Variants in LRRC8D observed in about 807,000 individuals in gnomAD.
LRRC8D encodes the protein leucine rich repeat containing 8 VRAC subunit D, also known as volume-regulated anion channel subunit LRRC8D.
A neutral mutation model predicts 55.8 loss-of-function variants in LRRC8D; 20 were observed. The observed-to-expected ratio is 0.36, with a 90% confidence interval of 0.25 to 0.52. The LOEUF is 0.52. Among genes scored for constraint, LRRC8D ranks in the 20% least tolerant of loss-of-function variants. LRRC8D has a pLI of 0.93. For missense variants in LRRC8D, 651 were observed against 1,030.8 expected (o/e 0.63, Z 5.05); for synonymous variants, 352 against 377.0 (o/e 0.93, Z 0.77).
chr1:89,868,681 T>A (rs968690286), intron 2 of LRRC8D, among the ~76,000 whole-genome samples: 5 of 152,210 alleles, frequency 3.3e-5, no homozygotes, highest in African/African-American at 7.2e-5. Context: ...CTCTTATTCC[T>A]GTATTACAGA....
At chr1:89,831,786 G>T (rs1225934833) in intron 1 of LRRC8D, among the ~76,000 whole-genome samples, 1 of 152,148 alleles carries the variant, frequency 6.6e-6, no homozygotes, top group Non-Finnish European at 1.5e-5. Context: ...ATAAAGAAGA[G>T]GGGTCCAGAG....
chr1:89,925,739 G>C (rs1186090020), intron 2 of LRRC8D, among the ~76,000 whole-genome samples: 1 of 152,208 alleles, frequency 6.6e-6, no homozygotes, highest in East Asian at 1.9e-4. Context: ...TTCAGTCGAT[G>C]GTTGAAATAC....
chr1:89,850,839 A>T (rs1353696377), intron 2 of LRRC8D, among the ~76,000 whole-genome samples: 1 of 152,136 alleles, frequency 6.6e-6, no homozygotes, highest in Non-Finnish European at 1.5e-5. Flanking sequence ...GTTATGATTG[A>T]TACATTAATA....
At chr1:89,896,293 G>T (rs758374661) in intron 2 of LRRC8D, among the ~76,000 whole-genome samples, 3 of 152,054 alleles carry the variant, frequency 2.0e-5, no homozygotes, top group Non-Finnish European at 4.4e-5. Context: ...GGAAGGGAGG[G>T]GTCGTAAACT....
chr1:89,822,934 G>A (rs1415481334), intron 1 of LRRC8D, among the ~76,000 whole-genome samples: 2 of 152,188 alleles, frequency 1.3e-5, no homozygotes, highest in Non-Finnish European at 2.9e-5. Flanking sequence ...AATCTGAGAT[G>A]AAAATTAGGT....
intron 2 of LRRC8D, among the ~76,000 whole-genome samples, chr1:89,883,522 T>G (rs551302838): frequency 6.6e-6 from 1 of 152,214 alleles, no homozygotes; most frequent in Admixed American, 6.5e-5. Context: ...GGGGGCCTGG[T>G]CAGCACTGGT....
chr1:89,935,494 G>C lies in LRRC8D; in HGVS notation c.2426G>C (p.Cys809Ser). Reference protein sequence around the residue: ...QLTQLELKGNCLDRLPAQLGQ... With the variant: ...QLTQLELKGNSLDRLPAQLGQ... ...ACTCAGCTGGAGCTGAAGGGGAACT[G>C]CTTGGACCGCCTGCCAGCCCAGCTG... The change falls in exon 3 of 3, where the codon TGC becomes TCC. Residue 809 changes from cysteine (C) to serine (S), a missense_variant. Cys to Ser is a moderately radical substitution (Grantham distance 112, BLOSUM62 -1). Around this residue, in one of 5 missense-constraint regions of LRRC8D, gnomAD observed 338 missense variants for 479.4 expected, o/e 0.71. Transcript: ENST00000337338. 1 of 1,614,258 alleles carries C rather than the reference G, an allele frequency of 6.2e-7. No homozygotes were observed. The highest frequency in any genetic ancestry group is 1.1e-5 in the South Asian group (1 of 91,092).
chr1:89,934,347 G>A lies in LRRC8D; in HGVS notation c.1279G>A (p.Asp427Asn). ...AFLLHMVDQY[D>N]QLYSKRFGVF... ...CCTTCTTCACATGGTAGACCAGTAT[G>A]ACCAGCTATATTCCAAGCGTTTTGG... Residue 427 changes from aspartate to asparagine, a missense_variant, in exon 3 of 3, where the codon GAC becomes AAC. By Grantham distance (23) the Asp-to-Asn change is conservative. Around this residue, in one of 5 missense-constraint regions of LRRC8D, gnomAD observed 178 missense variants for 374.9 expected, o/e 0.47. Coordinates refer to ENST00000337338, the MANE Select transcript of LRRC8D (RefSeq NM_001134479.2). This position sits in a 1 kb window ranked among gnomAD's most constrained non-coding sequence, Gnocchi z 5.9. 1 of 1,613,786 alleles carries A rather than the reference G, an allele frequency of 6.2e-7. No homozygotes were observed. Among genetic ancestry groups the A allele is most frequent in the Non-Finnish European group, 8.5e-7 (1 of 1,179,952 alleles).
At chr1:89,839,384 C>T (rs943809015) in intron 1 of LRRC8D, among the ~76,000 whole-genome samples, 3 of 152,192 alleles carry the variant, frequency 2.0e-5, no homozygotes, top group African/African-American at 2.4e-5. Flanking sequence ...CACCCTGGCC[C>T]TACCTGCCTG....
intron 2 of LRRC8D, among the ~76,000 whole-genome samples, chr1:89,888,121 A>G (rs921116436): frequency 6.6e-6 from 1 of 152,252 alleles, no homozygotes; most frequent in Admixed American, 6.5e-5. Context: ...AATTCAGACT[A>G]TGACAAAAGA....
chr1:89,895,549 C>G (rs1662685860), intron 2 of LRRC8D, among the ~76,000 whole-genome samples: 1 of 60,436 alleles, frequency 1.7e-5, no homozygotes, highest in Non-Finnish European at 3.7e-5. Flanking sequence ...TAAAGATGTA[C>G]TGTTTGTTTT....
chr1:89,925,249 G>A (rs180829508), intron 2 of LRRC8D, among the ~76,000 whole-genome samples: 2 of 152,258 alleles, frequency 1.3e-5, no homozygotes, highest in Admixed American at 6.5e-5. Context: ...TCTAATGTCC[G>A]ATGATTTGTC....
At chr1:89,893,470 A>G (rs1662629258) in intron 2 of LRRC8D, among the ~76,000 whole-genome samples, 1 of 152,256 alleles carries the variant, frequency 6.6e-6, no homozygotes, top group Admixed American at 6.5e-5. Context: ...GTAGACCAGA[A>G]TTGCAAGGGA....
intron 2 of LRRC8D, among the ~76,000 whole-genome samples, chr1:89,852,488 CTG>C (rs1227427156): frequency 1.3e-5 from 2 of 152,194 alleles, no homozygotes; most frequent in African/African-American, 2.4e-5. Context: ...TCCCCACCTC[CTG>C]TGTACTGGTC....
intron 2 of LRRC8D, among the ~76,000 whole-genome samples, chr1:89,930,204 C>T (rs1051110387): frequency 6.6e-6 from 1 of 152,002 alleles, no homozygotes; most frequent in African/African-American, 2.4e-5. Context: ...TTTCTATGTA[C>T]TTCATTATAA....
At chr1:89,826,704 G>T (rs1052934089) in intron 1 of LRRC8D, among the ~76,000 whole-genome samples, 13 of 152,176 alleles carry the variant, frequency 8.5e-5, no homozygotes, top group African/African-American at 3.1e-4. Flanking sequence ...TCTGCTTAGA[G>T]GTGTGTAAAC....
intron 2 of LRRC8D, among the ~76,000 whole-genome samples, chr1:89,863,126 A>T (rs952750289): frequency 1.3e-5 from 2 of 152,160 alleles, no homozygotes; most frequent in African/African-American, 4.8e-5. Flanking sequence ...ACTTTGGGCA[A>T]GTTTTATAGC....
intron 2 of LRRC8D, among the ~76,000 whole-genome samples, chr1:89,850,869 CTT>C (rs1008272029): frequency 2.0e-5 from 3 of 152,078 alleles, no homozygotes; most frequent in Non-Finnish European, 4.4e-5. Context: ...AAGTTCAAGA[CTT>C]TAAGATTATT....
chr1:89,926,383 A>G (rs1454212612), intron 2 of LRRC8D, among the ~76,000 whole-genome samples: 2 of 152,256 alleles, frequency 1.3e-5, no homozygotes, highest in Non-Finnish European at 2.9e-5. Flanking sequence ...CTTGAGGGCA[A>G]GGATCTATAT....
Sources: gnomAD v4.1 joint callset for allele counts (sites outside exome capture counted in the v4.1 genomes callset) on GRCh38, gnomAD v4.1.1 for gene constraint, gnomAD v4.1.1 regional missense constraint, Gnocchi (gnomAD v3.1) non-coding constraint, MANE v1.5 for transcripts, NCBI Gene and HGNC (gene_info 2026-07-23, HGNC 2026-07-21) for gene names.